PPHLN1: variants seen among roughly 807,000 people sequenced by gnomAD.
PPHLN1 encodes the protein periphilin 1.
A neutral mutation model predicts 51.3 loss-of-function variants in PPHLN1; 29 were observed. That is an observed-to-expected ratio of 0.57 (90% CI 0.42 to 0.77). PPHLN1 has a LOEUF of 0.77. Ranked by LOEUF, PPHLN1 falls within the 30% of genes least tolerant of loss-of-function variation. PPHLN1 has a pLI of 0.00. For missense variants in PPHLN1, 436 were observed against 438.4 expected (o/e 0.99, Z 0.05); for synonymous variants, 147 against 147.8 (o/e 0.99, Z 0.04).
chr12:42,369,943 A>C (rs1027130700), intron 4 of PPHLN1, among the ~76,000 whole-genome samples: 1 of 152,182 alleles, frequency 6.6e-6, no homozygotes, highest in East Asian at 1.9e-4. Flanking sequence ...CTGCCTCTGT[A>C]TCGTGATTTA....
chr12:42,383,532 G>C (rs2076930253), intron 5 of PPHLN1, among the ~76,000 whole-genome samples: 1 of 152,168 alleles, frequency 6.6e-6, no homozygotes, highest in Non-Finnish European at 1.5e-5. Flanking sequence ...AATAAAGTTG[G>C]TAGTACATGA....
At chr12:42,387,290 C>T (rs1832141529) in intron 6 of PPHLN1, 166 bp from the exon 7 acceptor site, 1 of 659,870 alleles carries the variant, frequency 1.5e-6, no homozygotes, top group Non-Finnish European at 2.3e-6. Context: ...TGGTGCTTAG[C>T]CTCTGAGAGG....
At chr12:42,403,539 G>A (rs1270948308) in intron 9 of PPHLN1, among the ~76,000 whole-genome samples, 1 of 152,082 alleles carries the variant, frequency 6.6e-6, no homozygotes, top group Non-Finnish European at 1.5e-5. Context: ...TATTTAAAAG[G>A]AAGCATCTCT....
intron 9 of PPHLN1, among the ~76,000 whole-genome samples, chr12:42,437,644 C>T (rs1392078702): frequency 6.6e-6 from 1 of 152,160 alleles, no homozygotes; most frequent in Non-Finnish European, 1.5e-5. Flanking sequence ...TACTGTGATA[C>T]ACTTGTTATG....
chr12:42,375,289 C>G, intron 5 of PPHLN1: 1 of 320,186 alleles, frequency 3.1e-6, no homozygotes, highest in Non-Finnish European at 5.7e-6. Context: ...ATGACACTTA[C>G]CTTTAATTTC....
At chr12:42,401,325 G>T (rs1488681783) in intron 9 of PPHLN1, among the ~76,000 whole-genome samples, 2 of 152,116 alleles carry the variant, frequency 1.3e-5, no homozygotes, top group African/African-American at 2.4e-5. Context: ...AAAAGAACAA[G>T]TACCATGAAT....
intron 9 of PPHLN1, among the ~76,000 whole-genome samples, chr12:42,428,820 C>CTTTTTT (rs59053077): frequency 8.5e-6 from 1 of 117,990 alleles, no homozygotes. Context: ...TTTTTAACTT[C>CTTTTTT]TTTTTTTTTT....
intron 9 of PPHLN1, among the ~76,000 whole-genome samples, chr12:42,407,268 G>C (rs1300587185): frequency 6.6e-6 from 1 of 152,182 alleles, no homozygotes; most frequent in Non-Finnish European, 1.5e-5. Context: ...ATCTCAAGAA[G>C]TTGTAGTTCA....
intron 1 of PPHLN1, among the ~76,000 whole-genome samples, chr12:42,333,693 A>G (rs1278423923): frequency 6.6e-6 from 1 of 152,136 alleles, no homozygotes; most frequent in Non-Finnish European, 1.5e-5. Flanking sequence ...TGTGTTAGCC[A>G]GGATGGTCTC....
At chr12:42,424,080 C>T (rs563474311) in intron 9 of PPHLN1, among the ~76,000 whole-genome samples, 1 of 152,220 alleles carries the variant, frequency 6.6e-6, no homozygotes, top group East Asian at 1.9e-4. Context: ...AGATCTATAA[C>T]ATCATGATGG....
chr12:42,419,897 CT>C (rs2080829895), intron 9 of PPHLN1, among the ~76,000 whole-genome samples: 1 of 152,170 alleles, frequency 6.6e-6, no homozygotes, highest in African/African-American at 2.4e-5. Context: ...AACCTGATTT[CT>C]ATATGGATAG....
At chr12:42,380,512 G>A (rs1011069426) in intron 5 of PPHLN1, among the ~76,000 whole-genome samples, 5 of 152,074 alleles carry the variant, frequency 3.3e-5, no homozygotes, top group African/African-American at 9.7e-5. Flanking sequence ...ATATTTGGAA[G>A]ATAGAGTCCA....
At chr12:42,385,880 T>G (rs2077150780) in intron 6 of PPHLN1, among the ~76,000 whole-genome samples, 1 of 152,206 alleles carries the variant, frequency 6.6e-6, no homozygotes, top group South Asian at 2.1e-4. Context: ...TGGGATACAC[T>G]GACACTATCA....
At chr12:42,336,749 A>G (rs887594215) in intron 2 of PPHLN1, among the ~76,000 whole-genome samples, 1 of 152,222 alleles carries the variant, frequency 6.6e-6, no homozygotes, top group Non-Finnish European at 1.5e-5. Context: ...GGGGAAGGTT[A>G]AAAAGCTAAC....
intron 9 of PPHLN1, among the ~76,000 whole-genome samples, chr12:42,418,546 T>G (rs1278231952): frequency 3.3e-5 from 5 of 152,122 alleles, no homozygotes; most frequent in Admixed American, 3.3e-4. Context: ...GTTACCCTCA[T>G]GGCTCACTGT....
At position 42,333,725 on chromosome 12, in the gene PPHLN1, G is replaced by A. The variant is rs545963049; in HGVS notation, c.-20-2158G>A. 2.6e-5 allele frequency among the ~76,000 whole-genome samples: 4 copies of A among 151,982 alleles called. 1 individual carries two copies. The highest frequency in any genetic ancestry group is 6.6e-5 in the Admixed American group (1 of 15,242). ...TCTCGATCTCCTGACCTCGTGATCC[G>A]CCCACCTCGGCCTCCCAAAATGCTG... On this transcript the variant is annotated intron_variant, in intron 1 of 9. Coordinates refer to ENST00000358314, the MANE Select transcript of PPHLN1 (RefSeq NM_201439.2).
At chr12:42,366,535 TTTTTTG>T (rs552297283) in intron 4 of PPHLN1, among the ~76,000 whole-genome samples, 126 of 151,824 alleles carry the variant, frequency 8.3e-4, no homozygotes, top group African/African-American at 2.7e-3. Context: ...TTTCTTGTTT[TTTTTTG>T]TTTTTGTTTT....
At chr12:42,366,175 T>C (rs1194595880) in intron 4 of PPHLN1, among the ~76,000 whole-genome samples, 3 of 151,680 alleles carry the variant, frequency 2.0e-5, no homozygotes, top group African/African-American at 2.4e-5. Context: ...AAGAAAATTA[T>C]ACTAGTTGAT....
intron 9 of PPHLN1, among the ~76,000 whole-genome samples, chr12:42,408,710 G>T (rs1392205583): frequency 6.6e-6 from 1 of 152,180 alleles, no homozygotes; most frequent in African/African-American, 2.4e-5. Flanking sequence ...TTAGAATGAA[G>T]TGAGTATGTA....
Sources: allele counts gnomAD v4.1 joint callset (sites outside exome capture counted in the v4.1 genomes callset), GRCh38; gene constraint gnomAD v4.1.1; transcripts MANE v1.5; gene names NCBI Gene and HGNC (gene_info 2026-07-23, HGNC 2026-07-21).